Variants in WDR70 observed in about 807,000 individuals in gnomAD.
The protein encoded by WDR70 is WD repeat domain 70, also known as WD repeat-containing protein 70.
A neutral mutation model predicts 88.6 loss-of-function variants in WDR70; 53 were observed. The ratio of observed to expected loss-of-function variants is 0.60; its 90% confidence interval spans 0.48 to 0.75. The LOEUF (loss-of-function observed/expected upper bound fraction) is 0.75. Among genes scored for constraint, WDR70 ranks in the 30% least tolerant of loss-of-function variants. The probability of loss-of-function intolerance (pLI) is 0.00; values close to 1 mark genes in which losing one functional copy is unlikely to be tolerated. For synonymous variants in WDR70, 280 were observed against 270.0 expected (o/e 1.04, Z -0.36); for missense variants, 610 against 823.2 (o/e 0.74, Z 3.17).
intron 9 of WDR70, among the ~76,000 whole-genome samples, chr5:37,523,571 G>T (rs1223758462): frequency 6.6e-6 from 1 of 152,186 alleles, no homozygotes; most frequent in Non-Finnish European, 1.5e-5. Context: ...AAATCAGAGC[G>T]CCTCTCCCCC....
chr5:37,455,231 A>ATTTC (rs1174572768), intron 7 of WDR70, among the ~76,000 whole-genome samples: 3 of 141,250 alleles, frequency 2.1e-5, no homozygotes, highest in African/African-American at 5.2e-5. Flanking sequence ...ACCTGTCCTG[A>ATTTC]TTTCTTTCTT....
chr5:37,557,009 C>T (rs1017320895), intron 9 of WDR70, among the ~76,000 whole-genome samples: 10 of 152,060 alleles, frequency 6.6e-5, no homozygotes, highest in African/African-American at 2.2e-4. Context: ...CTTAATATTT[C>T]GTTTTCCTTT....
chr5:37,738,382 T>C (rs1748367064), intron 17 of WDR70, among the ~76,000 whole-genome samples: 1 of 152,190 alleles, frequency 6.6e-6, no homozygotes, highest in South Asian at 2.1e-4. Flanking sequence ...CACTTTATGC[T>C]TTTTGAAGGA....
At chr5:37,422,862 A>G (rs570611037) in intron 5 of WDR70, among the ~76,000 whole-genome samples, 123 of 152,180 alleles carry the variant, frequency 8.1e-4, no homozygotes, top group Non-Finnish European at 1.5e-3. Context: ...CCTGAGCTCA[A>G]ATCGATCTGC....
chr5:37,656,154 G>T (rs1356110738), intron 10 of WDR70, among the ~76,000 whole-genome samples: 1 of 152,004 alleles, frequency 6.6e-6, no homozygotes, highest in Non-Finnish European at 1.5e-5. Flanking sequence ...TGATGTTGAT[G>T]CTCTTCCTGT....
chr5:37,549,046 T>C (rs55794983), intron 9 of WDR70, among the ~76,000 whole-genome samples: 62,367 of 152,134 alleles, frequency 0.41, 15,157 homozygotes, highest in Non-Finnish European at 0.54. Flanking sequence ...TTACTGTCAC[T>C]CTGGTTATAA....
At chr5:37,596,234 G>A (rs991893722) in intron 9 of WDR70, among the ~76,000 whole-genome samples, 2 of 152,176 alleles carry the variant, frequency 1.3e-5, no homozygotes, top group African/African-American at 2.4e-5. Flanking sequence ...GAATAATAGA[G>A]AGGCACTTTG....
At chr5:37,471,184 TAGC>T (rs1294803645) in intron 7 of WDR70, among the ~76,000 whole-genome samples, 1 of 152,140 alleles carries the variant, frequency 6.6e-6, no homozygotes, top group East Asian at 1.9e-4. Flanking sequence ...ACCAGCCCAT[TAGC>T]AGGTATTTCT....
chr5:37,526,709 G>A (rs1741286689), intron 9 of WDR70, among the ~76,000 whole-genome samples: 1 of 152,154 alleles, frequency 6.6e-6, no homozygotes, highest in Non-Finnish European at 1.5e-5. Flanking sequence ...GTTTGCAGAT[G>A]ACATGATTGT....
intron 7 of WDR70, among the ~76,000 whole-genome samples, chr5:37,468,815 A>G (rs1302640435): frequency 2.0e-5 from 3 of 152,236 alleles, no homozygotes; most frequent in Non-Finnish European, 2.9e-5. Context: ...ATATAGTACA[A>G]TAACTATCTG....
chr5:37,424,008 G>A (rs2112001686), intron 5 of WDR70, among the ~76,000 whole-genome samples: 1 of 149,922 alleles, frequency 6.7e-6, no homozygotes, highest in Middle Eastern at 3.4e-3. Context: ...AATTAGCTGG[G>A]CAAGGTGGTG....
At chr5:37,646,184 A>T (rs369854836) in intron 10 of WDR70, among the ~76,000 whole-genome samples, 1 of 152,078 alleles carries the variant, frequency 6.6e-6, no homozygotes, top group African/African-American at 2.4e-5. Flanking sequence ...TGACATTTAT[A>T]ACCCATTATT....
chr5:37,701,261 G>T, intron 12 of WDR70, 119 bp downstream of exon 12: 2 of 642,082 alleles, frequency 3.1e-6, no homozygotes, highest in Non-Finnish European at 5.2e-6. Flanking sequence ...ACTTGAGAGA[G>T]TGATCAAAAT....
At chr5:37,486,694 T>G (rs1739884407) in intron 8 of WDR70, among the ~76,000 whole-genome samples, 1 of 151,818 alleles carries the variant, frequency 6.6e-6, no homozygotes, top group Non-Finnish European at 1.5e-5. Flanking sequence ...GGTATGCCAT[T>G]GTGGTTTTGA....
At chr5:37,670,608 G>T (rs2112592481) in intron 10 of WDR70, among the ~76,000 whole-genome samples, 1 of 152,266 alleles carries the variant, frequency 6.6e-6, no homozygotes, top group East Asian at 1.9e-4. Flanking sequence ...GGCATAGGAA[G>T]ATTAGCCCAA....
intron 8 of WDR70, among the ~76,000 whole-genome samples, chr5:37,513,539 C>T (rs145356884): frequency 9.9e-5 from 15 of 152,194 alleles, no homozygotes; most frequent in Non-Finnish European, 1.5e-4. Context: ...TTAGGGTTCC[C>T]TAGAGGGACA....
intron 7 of WDR70, among the ~76,000 whole-genome samples, chr5:37,465,998 C>A (rs546224022): frequency 1.3e-5 from 2 of 151,732 alleles, no homozygotes; most frequent in Non-Finnish European, 2.9e-5. Context: ...GAGAATGGCA[C>A]CTGTGACAGC....
At chr5:37,462,389 A>G (rs1739032878) in intron 7 of WDR70, among the ~76,000 whole-genome samples, 1 of 151,708 alleles carries the variant, frequency 6.6e-6, no homozygotes, top group Non-Finnish European at 1.5e-5. Context: ...TGCAAGCTCC[A>G]CCTCCCGGAT....
At chr5:37,654,088 T>C (rs1201926535) in intron 10 of WDR70, among the ~76,000 whole-genome samples, 1 of 152,216 alleles carries the variant, frequency 6.6e-6, no homozygotes, top group Non-Finnish European at 1.5e-5. Flanking sequence ...TTTAGTGCTA[T>C]AAATTTTCCT....
Sources: gnomAD v4.1 joint callset for allele counts (sites outside exome capture counted in the v4.1 genomes callset) on GRCh38, gnomAD v4.1.1 for gene constraint, MANE v1.5 for transcripts, NCBI Gene and HGNC (gene_info 2026-07-23, HGNC 2026-07-21) for gene names.